The following DCDC1 variants were observed in gnomAD, a reference collection of about 807,000 sequenced individuals.
The protein encoded by DCDC1 is doublecortin domain-containing protein 1.
A neutral mutation model predicts 178.3 loss-of-function variants in DCDC1; 200 were observed. That is an observed-to-expected ratio of 1.12 (90% CI 1.00 to 1.26). DCDC1 has a LOEUF of 1.26. DCDC1 is among the 50% of genes most tolerant of loss of function. DCDC1 has a pLI of 0.00. For synonymous variants in DCDC1, 690 were observed against 604.8 expected, an observed-to-expected ratio of 1.14 and a Z score of -2.07; for missense variants, 1,983 against 1,749.2, an observed-to-expected ratio of 1.13 and a Z score of -2.38.
intron 9 of DCDC1, among the ~76,000 whole-genome samples, chr11:31,235,754 T>C (rs935804753): frequency 6.6e-6 from 1 of 151,972 alleles, no homozygotes; most frequent in African/African-American, 2.4e-5. Flanking sequence ...CTTTCCTTTA[T>C]GAGATGCAGT....
At chr11:31,281,443 ATT>A (rs1003675579) in intron 7 of DCDC1, among the ~76,000 whole-genome samples, 5 of 151,348 alleles carry the variant, frequency 3.3e-5, no homozygotes, top group African/African-American at 4.9e-5. Context: ...TGCTATGAAA[ATT>A]TTTTTTTGTT....
At chr11:30,887,745 C>T (rs1943303026) in intron 36 of DCDC1, among the ~76,000 whole-genome samples, 2 of 152,046 alleles carry the variant, frequency 1.3e-5, no homozygotes, top group African/African-American at 4.8e-5. Flanking sequence ...TGTGGTGGCT[C>T]ATACCTGCAA....
chr11:30,958,345 C>T (rs1464758662), intron 20 of DCDC1, among the ~76,000 whole-genome samples: 1 of 152,118 alleles, frequency 6.6e-6, no homozygotes, highest in African/African-American at 2.4e-5. Flanking sequence ...ACCAAGTGGA[C>T]AGGATGCCCA....
chr11:31,193,016 A>G (rs1002588269), intron 9 of DCDC1, among the ~76,000 whole-genome samples: 1 of 152,040 alleles, frequency 6.6e-6, no homozygotes, highest in Non-Finnish European at 1.5e-5. Context: ...CAAGTTCTCA[A>G]GTCTTTGGAC....
intron 35 of DCDC1, among the ~76,000 whole-genome samples, chr11:30,893,511 T>A (rs577757674): frequency 1.3e-5 from 2 of 152,336 alleles, no homozygotes; most frequent in South Asian, 4.1e-4. Flanking sequence ...ACTTCAAGCA[T>A]GTCCTAGTTC....
intron 20 of DCDC1, among the ~76,000 whole-genome samples, chr11:30,997,655 A>G (rs1026343160): frequency 2.0e-5 from 3 of 152,238 alleles, no homozygotes; most frequent in Admixed American, 1.3e-4. Flanking sequence ...AAAGGGATAC[A>G]GATGATAGGA....
chr11:31,228,556 GA>G (rs1403167375), intron 9 of DCDC1, among the ~76,000 whole-genome samples: 3 of 151,878 alleles, frequency 2.0e-5, no homozygotes, highest in Non-Finnish European at 4.4e-5. Context: ...AGGAATTAAT[GA>G]AGCATAAAAT....
At chr11:31,339,056 A>G (rs1420186945) in intron 1 of DCDC1, among the ~76,000 whole-genome samples, 2 of 152,128 alleles carry the variant, frequency 1.3e-5, no homozygotes, top group Admixed American at 6.5e-5. Context: ...CTGCTCCTAC[A>G]CTGTTGATGA....
chr11:31,233,378 G>A (rs1017476325), intron 9 of DCDC1, among the ~76,000 whole-genome samples: 1 of 152,140 alleles, frequency 6.6e-6, no homozygotes, highest in Non-Finnish European at 1.5e-5. Context: ...GCTTCCTGAG[G>A]GTTAGGCCTT....
At chr11:31,059,132 A>G (rs1432385154) in intron 20 of DCDC1, among the ~76,000 whole-genome samples, 1 of 152,128 alleles carries the variant, frequency 6.6e-6, no homozygotes, top group Non-Finnish European at 1.5e-5. Flanking sequence ...ACAAAAAATA[A>G]TCATAAAATG....
chr11:31,344,718 G>A (rs557310491), intron 1 of DCDC1, among the ~76,000 whole-genome samples: 16 of 152,218 alleles, frequency 1.1e-4, no homozygotes, highest in South Asian at 2.1e-4. Context: ...ATGCAAGTGC[G>A]GATAGTTGTA....
At chr11:31,152,685 T>C (rs1965292501) in intron 9 of DCDC1, among the ~76,000 whole-genome samples, 1 of 152,222 alleles carries the variant, frequency 6.6e-6, no homozygotes, top group African/African-American at 2.4e-5. Flanking sequence ...CTTTCTACTT[T>C]CTACTGTCTT....
At chr11:31,344,694 A>G (rs1202703820) in intron 1 of DCDC1, among the ~76,000 whole-genome samples, 2 of 152,168 alleles carry the variant, frequency 1.3e-5, no homozygotes, top group Non-Finnish European at 2.9e-5. Flanking sequence ...GTTCATGTAG[A>G]TTTTCCAAAG....
chr11:31,286,588 G>T (rs1362800369), intron 7 of DCDC1, among the ~76,000 whole-genome samples: 2 of 151,854 alleles, frequency 1.3e-5, no homozygotes, highest in East Asian at 3.9e-4. Context: ...GAACCAGAAA[G>T]GTGGGAAGAT....
At chr11:31,229,880 A>G (rs1220254943) in intron 9 of DCDC1, among the ~76,000 whole-genome samples, 2 of 152,314 alleles carry the variant, frequency 1.3e-5, no homozygotes, top group African/African-American at 4.8e-5. Flanking sequence ...AAAGCCATAT[A>G]TGAAAAGTCC....
rs528712402 is a variant in DCDC1 at position 31,074,955 on chromosome 11, T to C, written c.2298+2910A>G. On this transcript the variant is annotated intron_variant, in intron 18 of 38. Coordinates refer to ENST00000684477, the MANE Select transcript of DCDC1 (RefSeq NM_001387274.1). ...GAAGCACAAGTGCAATTTTGTTACA[T>C]GGCTATATTACATAGTGGTGGAGTC... Among the ~76,000 whole-genome samples, 314 of 152,336 alleles carry C rather than the reference T, an allele frequency of 2.1e-3. 1 individual carries two copies. Among genetic ancestry groups the C allele is most frequent in the Non-Finnish European group, 2.1e-3 (141 of 68,032 alleles).
chr11:31,233,544 G>A (rs1214088224), intron 9 of DCDC1, among the ~76,000 whole-genome samples: 1 of 152,156 alleles, frequency 6.6e-6, no homozygotes, highest in Non-Finnish European at 1.5e-5. Flanking sequence ...TCAGTGACTG[G>A]TAGAATTGTA....
chr11:31,162,492 C>T (rs1966400079), intron 9 of DCDC1, among the ~76,000 whole-genome samples: 1 of 152,090 alleles, frequency 6.6e-6, no homozygotes, highest in African/African-American at 2.4e-5. Flanking sequence ...GAAAAGATTT[C>T]ACCTACAATT....
At chr11:31,331,366 C>T (rs968996629) in intron 2 of DCDC1, among the ~76,000 whole-genome samples, 2 of 152,140 alleles carry the variant, frequency 1.3e-5, no homozygotes, top group African/African-American at 4.8e-5. Context: ...AATTGAATAT[C>T]CTTTATTTCT....
Sources: allele counts gnomAD v4.1 joint callset (sites outside exome capture counted in the v4.1 genomes callset), GRCh38; gene constraint gnomAD v4.1.1; transcripts MANE v1.5; gene names NCBI Gene and HGNC (gene_info 2026-07-23, HGNC 2026-07-21).